Variants in SAMTOR observed in about 807,000 individuals in gnomAD.
SAMTOR encodes UPF0532 protein C7orf60.
the SAMTOR span, among the ~76,000 whole-genome samples, chr7:112,856,781 T>C: frequency 6.6e-6 from 1 of 152,162 alleles, no homozygotes; most frequent in South Asian, 2.1e-4. Context: ...TTTAAATGAG[T>C]ATCTCCTAAA....
At chr7:112,824,835 C>T in the SAMTOR span, among the ~76,000 whole-genome samples, 1 of 152,128 alleles carries the variant, frequency 6.6e-6, no homozygotes, top group Non-Finnish European at 1.5e-5. Flanking sequence ...CACTGATATT[C>T]CTGAACATCA....
At chr7:112,920,706 G>A in the SAMTOR span, among the ~76,000 whole-genome samples, 18 of 145,444 alleles carry the variant, frequency 1.2e-4, no homozygotes, top group African/African-American at 4.6e-4. Flanking sequence ...AAACCCCACT[G>A]TCTCAGCCCA....
the SAMTOR span, among the ~76,000 whole-genome samples, chr7:112,900,778 C>A: frequency 2.6e-5 from 4 of 151,884 alleles, no homozygotes; most frequent in South Asian, 4.1e-4. Context: ...AAAGGCAATA[C>A]AATGGAGAAA....
At chr7:112,863,139 C>A in the SAMTOR span, among the ~76,000 whole-genome samples, 2 of 152,098 alleles carry the variant, frequency 1.3e-5, no homozygotes, top group African/African-American at 2.4e-5. Flanking sequence ...CACACACCTA[C>A]AAGCATCTGA....
the SAMTOR span, among the ~76,000 whole-genome samples, chr7:112,831,062 C>T: frequency 4.6e-5 from 7 of 151,744 alleles, no homozygotes; most frequent in Admixed American, 3.9e-4. Context: ...ATACTAGGCA[C>T]TCTTCTAGGT....
chr7:112,924,997 C>G, the SAMTOR span, among the ~76,000 whole-genome samples: 2 of 152,146 alleles, frequency 1.3e-5, no homozygotes, highest in Non-Finnish European at 2.9e-5. Context: ...ACAAATGCTC[C>G]TGTGAGAATA....
the SAMTOR span, among the ~76,000 whole-genome samples, chr7:112,897,129 A>T: frequency 6.6e-6 from 1 of 152,168 alleles, no homozygotes; most frequent in Non-Finnish European, 1.5e-5. Context: ...AATCTAATCT[A>T]ATGACAGAGA....
At chr7:112,911,953 AAAC>A in the SAMTOR span, among the ~76,000 whole-genome samples, 1 of 151,826 alleles carries the variant, frequency 6.6e-6, no homozygotes, top group Non-Finnish European at 1.5e-5. Context: ...GTTATGAAAC[AAAC>A]AAACAAAAAA....
At chr7:112,847,345 A>G in the SAMTOR span, among the ~76,000 whole-genome samples, 2 of 152,256 alleles carry the variant, frequency 1.3e-5, no homozygotes, top group Non-Finnish European at 2.9e-5. Flanking sequence ...TCTTACTACA[A>G]TTAAAGGACC....
chr7:112,906,298 G>A, the SAMTOR span, among the ~76,000 whole-genome samples: 3 of 151,994 alleles, frequency 2.0e-5, no homozygotes, highest in Non-Finnish European at 4.4e-5. Context: ...ACATAGAAAA[G>A]GTATAGTAAA....
At chr7:112,841,246 A>G in the SAMTOR span, among the ~76,000 whole-genome samples, 1 of 152,188 alleles carries the variant, frequency 6.6e-6, no homozygotes, top group Middle Eastern at 3.2e-3. Context: ...CAGGATACAA[A>G]ATCAATGGGC....
At chr7:112,862,935 G>C in the SAMTOR span, among the ~76,000 whole-genome samples, 10 of 144,422 alleles carry the variant, frequency 6.9e-5, no homozygotes, top group African/African-American at 2.5e-4. Flanking sequence ...AAAAAAAAAA[G>C]GGGGTGGGGG....
At chr7:112,872,991 G>A in the SAMTOR span, among the ~76,000 whole-genome samples, 939 of 151,096 alleles carry the variant, frequency 6.2e-3, 6 homozygotes, top group Admixed American at 0.011. Context: ...AAATACCTAG[G>A]AATATATCCA....
the SAMTOR span, among the ~76,000 whole-genome samples, chr7:112,823,683 T>C: frequency 2.0e-5 from 3 of 152,198 alleles, no homozygotes; most frequent in East Asian, 1.9e-4. Flanking sequence ...TGGGGAAATA[T>C]CTTGGGTGGC....
chr7:112,882,561 T>C, the SAMTOR span, among the ~76,000 whole-genome samples: 1 of 151,818 alleles, frequency 6.6e-6, no homozygotes, highest in East Asian at 1.9e-4. Context: ...TGGTGGCACG[T>C]GCCTGTAATC....
At chr7:112,893,958 G>A in the SAMTOR span, among the ~76,000 whole-genome samples, 2 of 152,334 alleles carry the variant, frequency 1.3e-5, no homozygotes, top group South Asian at 4.1e-4. Context: ...TCACAACTCA[G>A]TTAATTCTTT....
At chr7:112,875,844 T>C in the SAMTOR span, among the ~76,000 whole-genome samples, 2,102 of 152,322 alleles carry the variant, frequency 0.014, 40 homozygotes, top group African/African-American at 0.048. Context: ...TACGTAAGCC[T>C]TCTCTAAAGT....
chr7:112,922,665 A>G, the SAMTOR span, among the ~76,000 whole-genome samples: 1 of 145,054 alleles, frequency 6.9e-6, no homozygotes, highest in African/African-American at 2.6e-5. Flanking sequence ...CTGGGAGGTG[A>G]GGAGCGTCTC....
chr7:112,852,355 G>T, the SAMTOR span, among the ~76,000 whole-genome samples: 1 of 152,066 alleles, frequency 6.6e-6, no homozygotes, highest in South Asian at 2.1e-4. Context: ...TAATGACTCA[G>T]AAAGCCAAAT....
Sources: allele counts gnomAD v4.1 joint callset (sites outside exome capture counted in the v4.1 genomes callset), GRCh38; gene constraint gnomAD v4.1.1; transcripts MANE v1.5; gene names NCBI Gene and HGNC (gene_info 2026-07-23, HGNC 2026-07-21).